The following AKAP19 variants were observed in gnomAD, a reference collection of about 807,000 sequenced individuals.
AKAP19 encodes the protein small A-kinase anchoring protein.
chr2:189,905,710 A>G, the AKAP19 span, among the ~76,000 whole-genome samples: 5 of 152,038 alleles, frequency 3.3e-5, no homozygotes, highest in Non-Finnish European at 5.9e-5. Flanking sequence ...CGAAGCTTTC[A>G]TATTTTCCTA....
the AKAP19 span, among the ~76,000 whole-genome samples, chr2:190,199,089 T>A: frequency 1.3e-5 from 2 of 152,340 alleles, no homozygotes; most frequent in South Asian, 2.1e-4. Flanking sequence ...GTTGTAAATA[T>A]GTGACCAGGG....
At chr2:190,181,840 C>T in the AKAP19 span, among the ~76,000 whole-genome samples, 1 of 152,188 alleles carries the variant, frequency 6.6e-6, no homozygotes, top group South Asian at 2.1e-4. Flanking sequence ...TAAATCAAAC[C>T]AAGATCAACA....
the AKAP19 span, among the ~76,000 whole-genome samples, chr2:190,065,019 A>T: frequency 6.6e-6 from 1 of 152,130 alleles, no homozygotes; most frequent in South Asian, 2.1e-4. Context: ...TTTGAGTCCT[A>T]TCTGACGCAC....
chr2:190,062,155 A>G, the AKAP19 span: 116 of 1,557,482 alleles, frequency 7.4e-5, no homozygotes, highest in Admixed American at 5.2e-4. Context: ...CTGAAAATAG[A>G]TCTGTTTCTC....
At chr2:189,922,487 C>A in the AKAP19 span, among the ~76,000 whole-genome samples, 1 of 152,164 alleles carries the variant, frequency 6.6e-6, no homozygotes, top group Non-Finnish European at 1.5e-5. Context: ...TTGATCCCTG[C>A]TGGTGAATTC....
the AKAP19 span, among the ~76,000 whole-genome samples, chr2:190,101,528 G>T: frequency 2.0e-5 from 3 of 152,112 alleles, no homozygotes; most frequent in African/African-American, 7.2e-5. Context: ...GAGCAGCAGG[G>T]CTCTTTCCCC....
chr2:190,074,796 G>T, the AKAP19 span, among the ~76,000 whole-genome samples: 2 of 152,212 alleles, frequency 1.3e-5, no homozygotes, highest in East Asian at 3.8e-4. Flanking sequence ...AACTAGCCAT[G>T]TGGATCCCTG....
chr2:189,900,297 GA>G, the AKAP19 span, among the ~76,000 whole-genome samples: 1 of 151,676 alleles, frequency 6.6e-6, no homozygotes, highest in African/African-American at 2.4e-5. Flanking sequence ...CAAAGAATGC[GA>G]CTTTTTTTCA....
At chr2:190,109,378 A>T in the AKAP19 span, among the ~76,000 whole-genome samples, 1 of 152,100 alleles carries the variant, frequency 6.6e-6, no homozygotes, top group Non-Finnish European at 1.5e-5. Flanking sequence ...ACAGTGTCAG[A>T]AAGAGAACTG....
the AKAP19 span, among the ~76,000 whole-genome samples, chr2:190,161,687 C>T: frequency 6.1e-3 from 929 of 152,236 alleles, 7 homozygotes; most frequent in African/African-American, 0.021. Flanking sequence ...GAAGCAGGAA[C>T]TGAGGAGTAG....
chr2:189,923,683 A>G, the AKAP19 span: 497 of 1,613,918 alleles, frequency 3.1e-4, 4 homozygotes, highest in South Asian at 4.5e-3. Flanking sequence ...GTGACTTTCA[A>G]CGGGACTATT....
chr2:190,179,219 C>A, the AKAP19 span, among the ~76,000 whole-genome samples: 2 of 152,030 alleles, frequency 1.3e-5, no homozygotes, highest in African/African-American at 2.4e-5. The surrounding 1 kb of genome is among the most constrained non-coding windows in gnomAD (Gnocchi z 6.0). Flanking sequence ...ATCAGCCTGG[C>A]AAACATGGTG....
At chr2:190,148,212 T>C in the AKAP19 span, among the ~76,000 whole-genome samples, 1 of 152,224 alleles carries the variant, frequency 6.6e-6, no homozygotes, top group Non-Finnish European at 1.5e-5. Context: ...GTTTTAATCA[T>C]AAATTGATGC....
chr2:190,130,317 A>G, the AKAP19 span, among the ~76,000 whole-genome samples: 1 of 152,166 alleles, frequency 6.6e-6, no homozygotes, highest in South Asian at 2.1e-4. Flanking sequence ...AAATTTTCTA[A>G]TACTGCAATT....
At chr2:189,922,270 C>T in the AKAP19 span, among the ~76,000 whole-genome samples, 1 of 152,104 alleles carries the variant, frequency 6.6e-6, no homozygotes, top group Non-Finnish European at 1.5e-5. Flanking sequence ...TTGGCTTTTG[C>T]TGTGGCTGGT....
the AKAP19 span, among the ~76,000 whole-genome samples, chr2:190,164,564 C>A: frequency 3.3e-5 from 5 of 151,848 alleles, no homozygotes; most frequent in Non-Finnish European, 5.9e-5. Flanking sequence ...TAATTAAAGG[C>A]AAATAAAATT....
the AKAP19 span, among the ~76,000 whole-genome samples, chr2:189,914,625 T>G: frequency 6.6e-6 from 1 of 152,252 alleles, no homozygotes; most frequent in Admixed American, 6.5e-5. Flanking sequence ...TATGTTTTAA[T>G]TCTTATATTT....
At chr2:190,100,852 G>A in the AKAP19 span, among the ~76,000 whole-genome samples, 1 of 152,128 alleles carries the variant, frequency 6.6e-6, no homozygotes, top group Non-Finnish European at 1.5e-5. Context: ...GGAGAACACT[G>A]GCCCCATGAT....
the AKAP19 span, among the ~76,000 whole-genome samples, chr2:190,074,568 T>C: frequency 1.1e-4 from 17 of 151,890 alleles, no homozygotes; most frequent in Non-Finnish European, 1.9e-4. Context: ...GGAGATTCGC[T>C]TAAACCCGGG....
Sources: gnomAD v4.1 joint callset for allele counts (sites outside exome capture counted in the v4.1 genomes callset) on GRCh38, gnomAD v4.1.1 for gene constraint, Gnocchi (gnomAD v3.1) non-coding constraint, MANE v1.5 for transcripts, NCBI Gene and HGNC (gene_info 2026-07-23, HGNC 2026-07-21) for gene names.